ATRNL1: variants seen among roughly 807,000 people sequenced by gnomAD.
ATRNL1 encodes attractin-like protein 1.
In ATRNL1, 95 loss-of-function variants were observed where a neutral mutation model predicts 182.7. The ratio of observed to expected loss-of-function variants is 0.52; its 90% CI spans 0.44 to 0.62. The LOEUF is 0.62. Among genes scored for constraint, ATRNL1 ranks in the 20% least tolerant of loss-of-function variants. The pLI is 0.00. For missense variants in ATRNL1, 1,471 were observed against 1,679.5 expected (o/e 0.88, Z 2.17); for synonymous variants, 576 against 568.3 (o/e 1.01, Z -0.19).
chr10:115,685,608 A>G (rs1555046098), intron 26 of ATRNL1, among the ~76,000 whole-genome samples: 1 of 151,842 alleles, frequency 6.6e-6, no homozygotes, highest in African/African-American at 2.4e-5. Context: ...CAGATGTTAT[A>G]ATACCTCAAA....
chr10:115,832,727 C>A (rs1950586324), intron 27 of ATRNL1, among the ~76,000 whole-genome samples: 1 of 152,172 alleles, frequency 6.6e-6, no homozygotes, highest in South Asian at 2.1e-4. Context: ...CTTCTAAACC[C>A]ACAACTGATT....
At chr10:115,466,265 C>T (rs782620285) in intron 22 of ATRNL1, among the ~76,000 whole-genome samples, 3 of 151,206 alleles carry the variant, frequency 2.0e-5, no homozygotes, top group Non-Finnish European at 4.4e-5. Context: ...AATAGTAAAA[C>T]GAAGGAATTA....
chr10:115,856,367 G>A (rs1951181525), intron 28 of ATRNL1, among the ~76,000 whole-genome samples: 1 of 129,588 alleles, frequency 7.7e-6, no homozygotes, highest in Admixed American at 9.4e-5. Context: ...GGCAGAGGTT[G>A]CAGTAAACCG....
intron 19 of ATRNL1, among the ~76,000 whole-genome samples, chr10:115,372,757 G>C (rs1857463149): frequency 1.3e-5 from 2 of 151,964 alleles, no homozygotes; most frequent in African/African-American, 4.8e-5. Context: ...TGGTATCATG[G>C]TGTTCTGATT....
At chr10:115,512,092 CATGGGA>C (rs1554982789) in intron 24 of ATRNL1, among the ~76,000 whole-genome samples, 1 of 151,854 alleles carries the variant, frequency 6.6e-6, no homozygotes, top group Non-Finnish European at 1.5e-5. Flanking sequence ...TCATATTTTT[CATGGGA>C]ATACCACAGA....
intron 24 of ATRNL1, among the ~76,000 whole-genome samples, chr10:115,494,262 C>T (rs1849441267): frequency 6.6e-6 from 1 of 152,140 alleles, no homozygotes; most frequent in African/African-American, 2.4e-5. Flanking sequence ...TCTACATATA[C>T]AATCATATAA....
At chr10:115,291,202 T>C (rs1224121562) in intron 15 of ATRNL1, among the ~76,000 whole-genome samples, 1 of 152,224 alleles carries the variant, frequency 6.6e-6, no homozygotes, top group Non-Finnish European at 1.5e-5. Context: ...AATAATTTCT[T>C]TCTAGTTCTT....
At chr10:115,774,256 C>T (rs560168765) in intron 27 of ATRNL1, among the ~76,000 whole-genome samples, 348 of 151,788 alleles carry the variant, frequency 2.3e-3, no homozygotes, top group Non-Finnish European at 3.9e-3. Flanking sequence ...GGCGAAACCC[C>T]GTCTCTACTA....
chr10:115,522,444 C>T lies in ATRNL1; in HGVS notation c.3716+3120C>T, dbSNP rs116879624. Among the ~76,000 whole-genome samples the T allele has an allele frequency of 9.1e-4, 139 of 152,256 alleles. 1 individual carries two copies. In the East Asian group the frequency reaches 0.016, roughly 18 times the overall value. ...GAGAACTCATTTGCTACCATAAGGA[C>T]ACCACCAAGTCATTCACAGGGAGTC... On this transcript the variant is annotated intron_variant, in intron 25 of 28. Transcript: ENST00000355044.
intron 22 of ATRNL1, 43 bp downstream of exon 22, chr10:115,462,078 CA>C: frequency 7.0e-7 from 1 of 1,421,834 alleles, no homozygotes; most frequent in Non-Finnish European, 9.7e-7. Context: ...TTATTGGACA[CA>C]ATTTTTTTTT....
chr10:115,704,345 TG>T (rs1269920081), intron 26 of ATRNL1, among the ~76,000 whole-genome samples: 4 of 151,892 alleles, frequency 2.6e-5, no homozygotes, highest in Non-Finnish European at 5.9e-5. Context: ...ATAAGGAAAC[TG>T]GTCATCTTGA....
At chr10:115,141,758 G>C (rs945724639) in intron 5 of ATRNL1, among the ~76,000 whole-genome samples, 1 of 151,984 alleles carries the variant, frequency 6.6e-6, no homozygotes, top group Non-Finnish European at 1.5e-5. Flanking sequence ...CTTTGAGGAG[G>C]GAGAAGTGAC....
chr10:115,830,334 T>G (rs531505573), intron 27 of ATRNL1, among the ~76,000 whole-genome samples: 61 of 152,206 alleles, frequency 4.0e-4, no homozygotes, highest in Non-Finnish European at 6.8e-4. Context: ...GATGCATCTC[T>G]TCAGTAGAAA....
At chr10:115,096,544 A>G (rs993113601) in intron 1 of ATRNL1, 22 of 627,392 alleles carry the variant, frequency 3.5e-5, no homozygotes, top group African/African-American at 7.7e-5. Context: ...AAGGATAGCA[A>G]CCTTACAAAC....
At chr10:115,188,185 G>A (rs1410767268) in intron 8 of ATRNL1, among the ~76,000 whole-genome samples, 3 of 152,032 alleles carry the variant, frequency 2.0e-5, no homozygotes, top group African/African-American at 4.8e-5. Context: ...ATATGTGTAT[G>A]GGGAGTTCTT....
intron 28 of ATRNL1, among the ~76,000 whole-genome samples, chr10:115,929,982 T>C (rs957442086): frequency 1.6e-4 from 24 of 152,222 alleles, no homozygotes; most frequent in African/African-American, 1.4e-4. Context: ...GTTCCTAAAA[T>C]CTTTCCAAAG....
chr10:115,684,624 C>G (rs1946160509), intron 26 of ATRNL1, among the ~76,000 whole-genome samples: 1 of 151,224 alleles, frequency 6.6e-6, no homozygotes, highest in African/African-American at 2.4e-5. Context: ...AGTAAAATTT[C>G]CCTGAGAAAA....
intron 27 of ATRNL1, among the ~76,000 whole-genome samples, chr10:115,752,932 T>C (rs1031195898): frequency 1.3e-4 from 20 of 152,050 alleles, no homozygotes; most frequent in Non-Finnish European, 2.2e-4. Context: ...CTGTTTTGCA[T>C]GAGGACTGTT....
At chr10:115,879,487 G>T (rs1951778329) in intron 28 of ATRNL1, among the ~76,000 whole-genome samples, 1 of 152,064 alleles carries the variant, frequency 6.6e-6, no homozygotes, top group Non-Finnish European at 1.5e-5. Context: ...TATGCAGGTA[G>T]AGGAAAGATT....
Sources: allele counts gnomAD v4.1 joint callset (sites outside exome capture counted in the v4.1 genomes callset), GRCh38; gene constraint gnomAD v4.1.1; transcripts MANE v1.5; gene names NCBI Gene and HGNC (gene_info 2026-07-23, HGNC 2026-07-21).